The following BRI3 variants were observed in gnomAD, a reference collection of about 807,000 sequenced individuals.
BRI3 encodes membrane protein BRI3.
BRI3 carries 6 observed loss-of-function variants against 12.8 expected under a neutral mutation model. The ratio of observed to expected loss-of-function variants is 0.47; its 90% CI spans 0.26 to 0.93. BRI3 has a LOEUF of 0.93. Among genes scored for constraint, BRI3 ranks in the 40% least tolerant of loss-of-function variants. The pLI, the probability that BRI3 is intolerant of heterozygous loss-of-function variation, is 0.15. For synonymous variants in BRI3, 91 were observed against 76.1 expected, an observed-to-expected ratio of 1.20 and a Z score of -1.02; for missense variants, 134 against 171.1, an observed-to-expected ratio of 0.78 and a Z score of 1.21.
the BRI3 span, among the ~76,000 whole-genome samples, chr7:98,316,911 T>A: frequency 6.6e-6 from 1 of 151,848 alleles, no homozygotes; most frequent in African/African-American, 2.4e-5. Flanking sequence ...TCACCCAGGC[T>A]GGAGTGCAGT....
At chr7:98,320,038 G>A in the BRI3 span, 1 of 1,605,246 alleles carries the variant, frequency 6.2e-7, no homozygotes, top group Non-Finnish European at 8.5e-7. Flanking sequence ...GCTGGGGCTG[G>A]AGGAAAACCA....
At chr7:98,312,381 G>A, downstream of BRI3, 4 of 1,165,340 alleles carry the variant, frequency 3.4e-6, no homozygotes, top group Non-Finnish European at 4.8e-6. Flanking sequence ...GGAGTGTGGG[G>A]GCCCTGGGTT....
At chr7:98,293,406 T>C, downstream of BRI3, 1 of 939,058 alleles carries the variant, frequency 1.1e-6, no homozygotes, top group South Asian at 1.5e-5. Context: ...CAGGCGACAT[T>C]AGAGTTAGGC....
Position 98,291,451 on chromosome 7 carries a change from G to A in BRI3, c.*208G>A. ...GCTCATGACAACTCAATAAAGCACTGCTTTTATTTTTTGCAGTCTTCAATT... is the reference window on the plus strand; with the variant it reads ...GCTCATGACAACTCAATAAAGCACTACTTTTATTTTTTGCAGTCTTCAATT... On this transcript the variant is annotated 3_prime_UTR_variant, in exon 3 of 3. Transcript: ENST00000297290. 2 of 1,371,390 alleles carry A rather than the reference G, an allele frequency of 1.5e-6. No homozygotes were observed. The highest frequency in any genetic ancestry group is 1.9e-6 in the Non-Finnish European group (2 of 1,063,804). 85.0% of individuals were successfully genotyped at this position (1,371,390 alleles called of 1,614,324 possible).
chr7:98,312,372 G>A, downstream of BRI3: 2 of 1,231,300 alleles, frequency 1.6e-6, no homozygotes, highest in Non-Finnish European at 1.1e-6. Flanking sequence ...TTAGCACCAG[G>A]AGTGTGGGGG....
downstream of BRI3, chr7:98,315,360 T>C (rs1801035222): frequency 2.6e-6 from 3 of 1,164,224 alleles, no homozygotes; most frequent in South Asian, 1.0e-4. Context: ...CCTCCCAAAG[T>C]GCTGGGATTA....
chr7:98,307,563 G>A, exon 2 of BRI3: 1 of 1,486,898 alleles, frequency 6.7e-7, no homozygotes. Context: ...AACTAAACTA[G>A]AACTAAACCA....
the BRI3 span, chr7:98,315,626 A>ATAATT: frequency 9.3e-7 from 1 of 1,077,250 alleles, no homozygotes; most frequent in East Asian, 3.3e-5. Context: ...AAAAAAAAAA[A>ATAATT]ATAATAATAA....
At chr7:98,291,065 G>A (rs762670783) in intron 2 of BRI3, 46 bp from the exon 3 acceptor site, 6 of 1,610,860 alleles carry the variant, frequency 3.7e-6, no homozygotes, top group Middle Eastern at 3.3e-4. Context: ...GGTTCTGGCT[G>A]CCCGGGTCCT....
chr7:98,318,668 G>C, the BRI3 span, among the ~76,000 whole-genome samples: 13 of 151,828 alleles, frequency 8.6e-5, 1 homozygote, highest in South Asian at 2.3e-3. Flanking sequence ...ATGTCTGGCC[G>C]GCATGGTGGC....
At chr7:98,287,592 G>A (rs1400134838) in intron 2 of BRI3, among the ~76,000 whole-genome samples, 1 of 152,224 alleles carries the variant, frequency 6.6e-6, no homozygotes, top group Non-Finnish European at 1.5e-5. Flanking sequence ...CAGGTGGGCC[G>A]GCGCCCTGGC....
At chr7:98,286,509 T>C (rs1430985134) in intron 2 of BRI3, among the ~76,000 whole-genome samples, 1 of 152,128 alleles carries the variant, frequency 6.6e-6, no homozygotes, top group Non-Finnish European at 1.5e-5. Flanking sequence ...CCAGAGCGGT[T>C]GAGAAGGTTG....
downstream of BRI3, among the ~76,000 whole-genome samples, chr7:98,315,014 CA>C (rs1286509041): frequency 3.2e-4 from 49 of 152,318 alleles, no homozygotes; most frequent in African/African-American, 1.2e-3. Flanking sequence ...TTTATATGTT[CA>C]AGTTGGCCAA....
chr7:98,294,990 G>A (rs1247955099), downstream of BRI3, among the ~76,000 whole-genome samples: 1 of 152,202 alleles, frequency 6.6e-6, no homozygotes, highest in Non-Finnish European at 1.5e-5. Flanking sequence ...GTGGAGTCAG[G>A]CAGCCGCCCA....
At chr7:98,321,339 T>G in the BRI3 span, among the ~76,000 whole-genome samples, 1 of 152,210 alleles carries the variant, frequency 6.6e-6, no homozygotes, top group Non-Finnish European at 1.5e-5. Context: ...GCACGAGAGA[T>G]AAAGGCTATT....
At chr7:98,317,134 T>G in the BRI3 span, 196 of 1,559,298 alleles carry the variant, frequency 1.3e-4, no homozygotes, top group Middle Eastern at 1.7e-4. Context: ...ATTACAGGCG[T>G]GAGCCACCGC....
intron 2 of BRI3, among the ~76,000 whole-genome samples, chr7:98,285,172 G>T (rs77598240): frequency 0.02 from 2,996 of 152,324 alleles, 103 homozygotes; most frequent in African/African-American, 0.069. Context: ...TCCTAGGGAA[G>T]GTGAAAAGAA....
chr7:98,285,719 G>A (rs1258766845), intron 2 of BRI3, among the ~76,000 whole-genome samples: 2 of 152,200 alleles, frequency 1.3e-5, no homozygotes, highest in Non-Finnish European at 2.9e-5. Flanking sequence ...CAGGGGAGGC[G>A]AGGGCTGGCC....
chr7:98,322,176 T>C, the BRI3 span, among the ~76,000 whole-genome samples: 1 of 151,920 alleles, frequency 6.6e-6, no homozygotes, highest in African/African-American at 2.4e-5. Context: ...TGGTAGAATA[T>C]GGGGAGAGAG....
Sources: allele counts gnomAD v4.1 joint callset (sites outside exome capture counted in the v4.1 genomes callset), GRCh38; gene constraint gnomAD v4.1.1; transcripts MANE v1.5; gene names NCBI Gene and HGNC (gene_info 2026-07-23, HGNC 2026-07-21).